PTPRB: variants seen among roughly 807,000 people sequenced by gnomAD.
PTPRB encodes the protein receptor-type tyrosine-protein phosphatase beta.
In PTPRB, 97 loss-of-function variants were observed where a neutral mutation model predicts 238.1. That is an observed-to-expected ratio of 0.41 (90% CI 0.35 to 0.48). PTPRB has a LOEUF of 0.48. PTPRB is among the 20% of genes least tolerant of loss of function. The pLI, the probability that PTPRB is intolerant of heterozygous loss-of-function variation, is 0.30. For synonymous variants in PTPRB, 970 were observed against 995.4 expected (o/e 0.97, Z 0.48); for missense variants, 2,292 against 2,681.9 (o/e 0.85, Z 3.21).
At chr12:70,524,636 C>A in intron 32 of PTPRB, 45 bp from the exon 33 acceptor site, 11 of 1,532,550 alleles carry the variant, frequency 7.2e-6, no homozygotes, top group South Asian at 1.2e-5. Flanking sequence ...TGTTCTCATG[C>A]ATAAGAAAGA....
chr12:70,540,333 C>A, intron 23 of PTPRB: 1 of 263,558 alleles, frequency 3.8e-6, no homozygotes, highest in Non-Finnish European at 7.1e-6. Context: ...ATGCCAGACA[C>A]GACTTCAATA....
At chr12:70,564,629 C>T (rs972734431) in intron 15 of PTPRB, among the ~76,000 whole-genome samples, 8 of 151,392 alleles carry the variant, frequency 5.3e-5, no homozygotes, top group African/African-American at 9.7e-5. Flanking sequence ...CCCAGGAGTG[C>T]GAGACCAGCC....
rs1474952040 is a variant in PTPRB, at chr12:70,570,880, A to G, written c.3370+146T>C. 9.0e-6 allele frequency: 8 copies of G among 885,740 alleles called. No individual in the cohort carries two copies. In the Middle Eastern group the frequency reaches 1.4e-3, roughly 151 times the overall value. The allele number at this position is 885,740 out of a possible 1,614,324, so 54.9% of individuals were successfully genotyped here. On this transcript the variant is annotated intron_variant, in intron 13 of 33. Transcript: ENST00000334414. Reference sequence around the variant, plus strand: ...TATTTTCATTCATCCAGGTTGGACAACATCATTGTCACTATCAACATGACT... The same window carrying G: ...TATTTTCATTCATCCAGGTTGGACAGCATCATTGTCACTATCAACATGACT...
chr12:70,560,795 G>T lies in PTPRB; in HGVS notation c.4308C>A (p.Asn1436Lys), dbSNP rs1878389027. 16 of 1,613,934 alleles carry T rather than the reference G, an allele frequency of 9.9e-6. No homozygotes were observed. The highest frequency in any genetic ancestry group is 1.4e-5 in the Non-Finnish European group (16 of 1,179,880). Residue 1436 changes from asparagine (N) to lysine (K), a missense_variant, in exon 17 of 34, where the codon AAC becomes AAA. Physicochemically the swap from Asn to Lys is moderately conservative, Grantham distance 94. Transcript: ENST00000334414. The surrounding 1 kb of genome is among the most constrained non-coding windows in gnomAD (Gnocchi z 4.2). ...ACTCCGTCAGGTCCTTGTCTTTCCA[G>T]TTTTCCTTCTTTGTGCCATTGGGAT... ...LYNPNGTKKENWKDKDLTEWR... is the reference protein window; with the variant it reads ...LYNPNGTKKEKWKDKDLTEWR...
At chr12:70,636,360 T>A (rs1408707830) in intron 1 of PTPRB, among the ~76,000 whole-genome samples, 1 of 151,956 alleles carries the variant, frequency 6.6e-6, no homozygotes, top group Middle Eastern at 3.4e-3. Context: ...AAAGGAAGCT[T>A]GGAAAGAAAC....
intron 21 of PTPRB, among the ~76,000 whole-genome samples, chr12:70,547,985 G>A (rs184865662): frequency 1.4e-4 from 22 of 152,266 alleles, no homozygotes; most frequent in East Asian, 9.7e-4. Flanking sequence ...CTGGCTCCTA[G>A]TGCAGATCTC....
chr12:70,637,248 C>T (rs2136624441), intron 1 of PTPRB, 93 bp downstream of exon 1: 1 of 1,160,812 alleles, frequency 8.6e-7, no homozygotes, highest in Non-Finnish European at 1.2e-6. Context: ...GAGACCTGGC[C>T]CCTTCTACCT....
intron 3 of PTPRB, among the ~76,000 whole-genome samples, chr12:70,615,239 C>T (rs1198464253): frequency 6.6e-6 from 1 of 152,080 alleles, no homozygotes; most frequent in African/African-American, 2.4e-5. Context: ...TCCAAATGAC[C>T]GTAAATTATC....
chr12:70,568,576 C>A (rs773481659), intron 14 of PTPRB, among the ~76,000 whole-genome samples: 1 of 152,094 alleles, frequency 6.6e-6, no homozygotes, highest in Non-Finnish European at 1.5e-5. Flanking sequence ...GGATTACAGG[C>A]GTGAGCTACC....
At chr12:70,624,298 T>A (rs912688848) in intron 2 of PTPRB, among the ~76,000 whole-genome samples, 4 of 152,164 alleles carry the variant, frequency 2.6e-5, no homozygotes, top group Admixed American at 2.0e-4. Flanking sequence ...TGTAACCGAG[T>A]GCTGCGTATA....
intron 32 of PTPRB, among the ~76,000 whole-genome samples, chr12:70,526,711 C>T (rs1028807582): frequency 5.3e-5 from 8 of 152,156 alleles, no homozygotes; most frequent in Non-Finnish European, 1.2e-4. Flanking sequence ...AAGGATCCAC[C>T]AAATTATAGG....
At chr12:70,607,278 G>A (rs777414675) in intron 4 of PTPRB, among the ~76,000 whole-genome samples, 20 of 152,178 alleles carry the variant, frequency 1.3e-4, no homozygotes, top group South Asian at 2.1e-4. Context: ...AGCTCAGCCT[G>A]CTTTTACAAA....
At chr12:70,539,532 A>ATAG in intron 26 of PTPRB, 93 bp downstream of exon 26, 2 of 1,013,920 alleles carry the variant, frequency 2.0e-6, no homozygotes, top group Middle Eastern at 3.1e-4. Context: ...CTAACTTCTG[A>ATAG]GCTCAATCAG....
At chr12:70,625,459 G>T (rs1413738227) in intron 2 of PTPRB, among the ~76,000 whole-genome samples, 2 of 151,978 alleles carry the variant, frequency 1.3e-5, no homozygotes, top group Non-Finnish European at 2.9e-5. Context: ...GAACCAAAAA[G>T]AAATTTGAAT....
At chr12:70,602,079 G>A (rs1010695236) in intron 4 of PTPRB, among the ~76,000 whole-genome samples, 4 of 152,142 alleles carry the variant, frequency 2.6e-5, no homozygotes, top group East Asian at 1.9e-4. Context: ...ACAGGCGTGA[G>A]CCACCGCATC....
At chr12:70,531,547 C>T (rs1394287277) in intron 32 of PTPRB, among the ~76,000 whole-genome samples, 1 of 152,010 alleles carries the variant, frequency 6.6e-6, no homozygotes, top group Non-Finnish European at 1.5e-5. Context: ...TTGTGCAAAG[C>T]CCTTAAGCTT....
At chr12:70,579,189 C>A (rs919051344) in intron 10 of PTPRB, among the ~76,000 whole-genome samples, 2 of 152,172 alleles carry the variant, frequency 1.3e-5, no homozygotes, top group African/African-American at 4.8e-5. Context: ...TATTATTTCT[C>A]CTTCCCTATT....
intron 4 of PTPRB, among the ~76,000 whole-genome samples, chr12:70,596,917 A>G (rs1193793957): frequency 2.7e-5 from 4 of 146,112 alleles, no homozygotes; most frequent in Non-Finnish European, 4.6e-5. Context: ...CTATATCCCT[A>G]GATTTTTTTT....
intron 20 of PTPRB, among the ~76,000 whole-genome samples, chr12:70,553,352 C>T (rs1877188251): frequency 6.6e-6 from 1 of 152,106 alleles, no homozygotes; most frequent in Non-Finnish European, 1.5e-5. Flanking sequence ...GTGAGTGAAC[C>T]CACTTGATAA....
Sources: allele counts gnomAD v4.1 joint callset (sites outside exome capture counted in the v4.1 genomes callset), GRCh38; gene constraint gnomAD v4.1.1; non-coding constraint Gnocchi (gnomAD v3.1); transcripts MANE v1.5; gene names NCBI Gene and HGNC (gene_info 2026-07-23, HGNC 2026-07-21).